SAMD5: variants seen among roughly 807,000 people sequenced by gnomAD.
The protein encoded by SAMD5 is sterile alpha motif domain containing 5, also known as sterile alpha motif domain-containing protein 5.
A neutral mutation model predicts 11.3 loss-of-function variants in SAMD5; 13 were observed. The observed-to-expected ratio is 1.15, with a 90% CI of 0.75 to 1.83. The LOEUF is 1.83. Among genes scored for constraint, SAMD5 ranks in the 40% most tolerant of loss-of-function variants. SAMD5 has a pLI of 0.00. For missense variants in SAMD5, 255 were observed against 239.1 expected, an observed-to-expected ratio of 1.07 and a Z score of -0.44; for synonymous variants, 129 against 111.3, an observed-to-expected ratio of 1.16 and a Z score of -1.00.
chr6:147,725,662 T>C (rs1791616045), intron 1 of SAMD5, among the ~76,000 whole-genome samples: 1 of 152,198 alleles, frequency 6.6e-6, no homozygotes, highest in Non-Finnish European at 1.5e-5. Context: ...GTTCTGGGAT[T>C]ACAGGCATGA....
At chr6:147,511,738 G>T (rs980867839) in intron 1 of SAMD5, among the ~76,000 whole-genome samples, 1 of 151,942 alleles carries the variant, frequency 6.6e-6, no homozygotes, top group Non-Finnish European at 1.5e-5. Context: ...AGCAAACTGA[G>T]CATACAAATG....
intron 1 of SAMD5, among the ~76,000 whole-genome samples, chr6:147,607,857 G>C (rs554686594): frequency 6.6e-6 from 1 of 152,092 alleles, no homozygotes; most frequent in East Asian, 1.9e-4. Context: ...CCACAGAATG[G>C]GAGAGAATAT....
intron 1 of SAMD5, among the ~76,000 whole-genome samples, chr6:147,621,531 C>G (rs1789967901): frequency 6.6e-6 from 1 of 152,208 alleles, no homozygotes; most frequent in Non-Finnish European, 1.5e-5. Context: ...GAGCTATCCC[C>G]CATCCCAGAG....
chr6:147,791,928 G>A, the SAMD5 span, among the ~76,000 whole-genome samples: 1 of 152,182 alleles, frequency 6.6e-6, no homozygotes, highest in African/African-American at 2.4e-5. Flanking sequence ...AAGGACTTAA[G>A]GAGGAGATAG....
downstream of SAMD5, among the ~76,000 whole-genome samples, chr6:147,742,180 C>T (rs1019374800): frequency 5.9e-5 from 9 of 152,062 alleles, no homozygotes; most frequent in African/African-American, 1.9e-4. Flanking sequence ...TATTATGAAA[C>T]AGTTGCAGGC....
At chr6:147,597,682 T>C (rs1201508862) in intron 1 of SAMD5, among the ~76,000 whole-genome samples, 1 of 152,232 alleles carries the variant, frequency 6.6e-6, no homozygotes, top group African/African-American at 2.4e-5. Context: ...AATTTCATGA[T>C]CTCTTCAAGA....
At chr6:147,790,372 A>G in the SAMD5 span, among the ~76,000 whole-genome samples, 1 of 152,236 alleles carries the variant, frequency 6.6e-6, no homozygotes. Context: ...TAATGATCAA[A>G]ACCTCTCACG....
At chr6:147,783,434 C>T in the SAMD5 span, among the ~76,000 whole-genome samples, 1 of 151,726 alleles carries the variant, frequency 6.6e-6, no homozygotes, top group Non-Finnish European at 1.5e-5. Flanking sequence ...CACTCTGTGG[C>T]CCAGGCTAGC....
intron 1 of SAMD5, among the ~76,000 whole-genome samples, chr6:147,708,289 C>A (rs1294049276): frequency 6.6e-6 from 1 of 152,162 alleles, no homozygotes; most frequent in Non-Finnish European, 1.5e-5. Context: ...AGACGGCCAT[C>A]CGCGAGCCAA....
the SAMD5 span, among the ~76,000 whole-genome samples, chr6:147,941,860 TG>T: frequency 8.1e-6 from 1 of 123,306 alleles, no homozygotes; most frequent in Non-Finnish European, 1.9e-5. Flanking sequence ...TTGGTTTGTT[TG>T]TTTGTTTGTT....
At chr6:147,744,518 T>G in the SAMD5 span, among the ~76,000 whole-genome samples, 1 of 152,168 alleles carries the variant, frequency 6.6e-6, no homozygotes, top group African/African-American at 2.4e-5. Context: ...TGAGAAATTG[T>G]ATCGGTGAAA....
the SAMD5 span, among the ~76,000 whole-genome samples, chr6:147,910,618 A>T: frequency 2.0e-5 from 3 of 152,128 alleles, no homozygotes; most frequent in African/African-American, 7.2e-5. Flanking sequence ...TCGGATCCAT[A>T]TGTGTCCAGG....
the SAMD5 span, among the ~76,000 whole-genome samples, chr6:147,810,424 G>A: frequency 1.3e-5 from 2 of 152,328 alleles, no homozygotes; most frequent in African/African-American, 4.8e-5. Context: ...GCACCTTGCT[G>A]TGTGTAGTGC....
At chr6:147,697,360 C>T (rs1453827637) in intron 1 of SAMD5, among the ~76,000 whole-genome samples, 1 of 152,158 alleles carries the variant, frequency 6.6e-6, no homozygotes, top group East Asian at 1.9e-4. Context: ...TGGAATGGTT[C>T]CCTGCAGTAA....
the SAMD5 span, among the ~76,000 whole-genome samples, chr6:147,846,464 G>A: frequency 6.6e-6 from 1 of 152,202 alleles, no homozygotes; most frequent in African/African-American, 2.4e-5. Flanking sequence ...TGGGGGAAGA[G>A]TCAGTAAAGG....
the SAMD5 span, among the ~76,000 whole-genome samples, chr6:147,841,918 G>A: frequency 6.6e-6 from 1 of 152,128 alleles, no homozygotes; most frequent in Non-Finnish European, 1.5e-5. Context: ...TGGAGGCTGG[G>A]TTATAGTTTA....
chr6:147,886,510 T>TC, the SAMD5 span, among the ~76,000 whole-genome samples: 2 of 151,442 alleles, frequency 1.3e-5, no homozygotes, highest in Non-Finnish European at 2.9e-5. Flanking sequence ...TGTAATCCTC[T>TC]CCCCCTTGAG....
At chr6:147,798,041 G>A in the SAMD5 span, among the ~76,000 whole-genome samples, 15 of 150,254 alleles carry the variant, frequency 1.0e-4, no homozygotes, top group East Asian at 5.9e-4. Flanking sequence ...TTAATTTTTC[G>A]AAGGGTTTTT....
chr6:147,896,589 C>T, the SAMD5 span, among the ~76,000 whole-genome samples: 1 of 151,812 alleles, frequency 6.6e-6, no homozygotes, highest in South Asian at 2.1e-4. Context: ...AAAATTAACC[C>T]AGTAACAGAA....
Sources: gnomAD v4.1 joint callset for allele counts (sites outside exome capture counted in the v4.1 genomes callset) on GRCh38, gnomAD v4.1.1 for gene constraint, MANE v1.5 for transcripts, NCBI Gene and HGNC (gene_info 2026-07-23, HGNC 2026-07-21) for gene names.